SORCS1: variants seen among roughly 807,000 people sequenced by gnomAD.
SORCS1 encodes VPS10 domain-containing receptor SorCS1.
A neutral mutation model predicts 146.1 loss-of-function variants in SORCS1; 60 were observed. That is an observed-to-expected ratio of 0.41 (90% CI 0.33 to 0.51). The LOEUF (loss-of-function observed/expected upper bound fraction) is 0.51. Ranked by LOEUF, SORCS1 falls within the 20% of genes least tolerant of loss-of-function variation. The pLI is 0.21. For synonymous variants in SORCS1, 637 were observed against 584.0 expected (o/e 1.09, Z -1.31); for missense variants, 1,352 against 1,487.6 (o/e 0.91, Z 1.50).
chr10:106,657,043 T>G (rs1458195743), intron 17 of SORCS1, among the ~76,000 whole-genome samples: 1 of 152,196 alleles, frequency 6.6e-6, no homozygotes, highest in East Asian at 1.9e-4. Context: ...GAAAGCAGAA[T>G]GGAGATTTCT....
At chr10:107,089,718 C>T (rs77472945) in intron 1 of SORCS1, among the ~76,000 whole-genome samples, 1,608 of 152,250 alleles carry the variant, frequency 0.011, 14 homozygotes, top group Middle Eastern at 0.031. Context: ...CAAAGGCAAA[C>T]AGGTTATTCC....
intron 2 of SORCS1, among the ~76,000 whole-genome samples, chr10:106,910,283 TTGTGTGTGTGTGTGTGTG>T (rs141789814): frequency 6.8e-6 from 1 of 146,036 alleles, no homozygotes; most frequent in African/African-American, 2.5e-5. Context: ...TCTCTTTACA[TTGTGTGTGTGTGTGTGTG>T]TGTGTGTGTG....
chr10:106,861,533 A>C (rs1012522742), intron 2 of SORCS1, among the ~76,000 whole-genome samples: 1 of 152,202 alleles, frequency 6.6e-6, no homozygotes, highest in African/African-American at 2.4e-5. Flanking sequence ...CTAGAAGGAC[A>C]AGCTACGAAA....
chr10:106,908,166 T>A (rs1951996070), intron 2 of SORCS1, among the ~76,000 whole-genome samples: 1 of 152,192 alleles, frequency 6.6e-6, no homozygotes, highest in Non-Finnish European at 1.5e-5. Context: ...GGACTCTAAA[T>A]GGCAGCTGAT....
chr10:106,669,941 T>C (rs1402843862), intron 16 of SORCS1, among the ~76,000 whole-genome samples: 1 of 152,216 alleles, frequency 6.6e-6, no homozygotes, highest in African/African-American at 2.4e-5. Flanking sequence ...ATGTGATGTG[T>C]ATGTACACAG....
intron 1 of SORCS1, among the ~76,000 whole-genome samples, chr10:107,130,284 T>A (rs1175718480): frequency 2.0e-5 from 3 of 152,232 alleles, no homozygotes; most frequent in East Asian, 3.8e-4. Flanking sequence ...ATGGCTACTT[T>A]TATTTACAGA....
At chr10:106,937,572 A>C (rs1953802998) in intron 2 of SORCS1, among the ~76,000 whole-genome samples, 1 of 152,008 alleles carries the variant, frequency 6.6e-6, no homozygotes, top group Non-Finnish European at 1.5e-5. Context: ...ACCTTCCACC[A>C]TGATTGTGAA....
At chr10:106,835,302 T>C (rs1241787496) in intron 2 of SORCS1, among the ~76,000 whole-genome samples, 1 of 152,196 alleles carries the variant, frequency 6.6e-6, no homozygotes, top group Non-Finnish European at 1.5e-5. Flanking sequence ...CACAGAATCA[T>C]TGTAATCTAA....
intron 2 of SORCS1, among the ~76,000 whole-genome samples, chr10:106,924,461 T>TTATCTATCTATC (rs570328127): frequency 2.0e-3 from 251 of 125,698 alleles, no homozygotes; most frequent in Admixed American, 2.3e-3. Context: ...AATTCCACAG[T>TTATCTATCTATC]TATCGATCTA....
rs74152279 is a variant in SORCS1 at position 106,953,922 on chromosome 10, C to T, written c.626+2591G>A. ...AAGATTGAGAAGCCAGCAGGTCATTCGCGCCACACTTTCCCAGATTTCACC... is the reference window on the plus strand; with the variant it reads ...AAGATTGAGAAGCCAGCAGGTCATTTGCGCCACACTTTCCCAGATTTCACC... On this transcript the variant is annotated intron_variant, in intron 2 of 25. Coordinates refer to ENST00000263054, the MANE Select transcript of SORCS1 (RefSeq NM_052918.5). 2.0e-3 allele frequency among the ~76,000 whole-genome samples: 308 copies of T among 152,308 alleles called. 1 individual carries two copies. The highest frequency in any genetic ancestry group is 7.0e-3 in the African/African-American group (291 of 41,570).
chr10:107,128,190 C>A (rs1442253568), intron 1 of SORCS1, among the ~76,000 whole-genome samples: 1 of 152,096 alleles, frequency 6.6e-6, no homozygotes, highest in Non-Finnish European at 1.5e-5. Context: ...TTAAGTAATC[C>A]TTTTCTCCAG....
intron 1 of SORCS1, among the ~76,000 whole-genome samples, chr10:107,030,884 C>T (rs1958621166): frequency 6.6e-6 from 1 of 152,062 alleles, no homozygotes; most frequent in African/African-American, 2.4e-5. Context: ...GGACAAACAG[C>T]AGAAGAATGA....
intron 1 of SORCS1, among the ~76,000 whole-genome samples, chr10:107,002,567 G>C (rs566692449): frequency 6.6e-6 from 1 of 152,186 alleles, no homozygotes; most frequent in East Asian, 1.9e-4. Context: ...CCAAAACCTG[G>C]GAGAATGTAA....
chr10:107,009,294 A>G (rs1477825426), intron 1 of SORCS1, among the ~76,000 whole-genome samples: 1 of 152,236 alleles, frequency 6.6e-6, no homozygotes, highest in Non-Finnish European at 1.5e-5. Flanking sequence ...TGTGTGTTGC[A>G]TGGAGTAGCA....
chr10:106,813,575 G>T (rs1446126821), intron 3 of SORCS1, among the ~76,000 whole-genome samples: 1 of 152,278 alleles, frequency 6.6e-6, no homozygotes, highest in Non-Finnish European at 1.5e-5. Flanking sequence ...TCTTGTTACA[G>T]AAATGGCATG....
chr10:106,782,511 A>G lies in SORCS1; in HGVS notation c.727-5819T>C, dbSNP rs1442959671. On this transcript the variant is annotated intron_variant, in intron 3 of 25. Coordinates refer to ENST00000263054, the MANE Select transcript of SORCS1 (RefSeq NM_052918.5). ...CAGGAGACCCAACCCATTAATTATT[A>G]TTTGTAACAATAATGAGGAGTCATT... Among the ~76,000 whole-genome samples the G allele has an allele frequency of 2.0e-5, 3 of 152,188 alleles. No homozygotes were observed. The East Asian group carries it at 5.8e-4, about 29-fold the overall frequency.
At chr10:106,842,761 G>C (rs189147637) in intron 2 of SORCS1, among the ~76,000 whole-genome samples, 1 of 151,792 alleles carries the variant, frequency 6.6e-6, no homozygotes, top group Non-Finnish European at 1.5e-5. Flanking sequence ...TTGCAGGCAT[G>C]TGTCACCATG....
chr10:106,893,357 A>C (rs1564782691), intron 2 of SORCS1, among the ~76,000 whole-genome samples: 3 of 152,236 alleles, frequency 2.0e-5, no homozygotes, highest in African/African-American at 7.2e-5. Context: ...TTTAGCTCAG[A>C]TTTTATAACA....
At chr10:106,934,722 T>G in intron 2 of SORCS1, among the ~76,000 whole-genome samples, 1 of 152,300 alleles carries the variant, frequency 6.6e-6, no homozygotes, top group African/African-American at 2.4e-5. Flanking sequence ...CATAGAATAC[T>G]ACTCAGCCAT....
Sources: allele counts gnomAD v4.1 joint callset (sites outside exome capture counted in the v4.1 genomes callset), GRCh38; gene constraint gnomAD v4.1.1; transcripts MANE v1.5; gene names NCBI Gene and HGNC (gene_info 2026-07-23, HGNC 2026-07-21).